ULK4: variants seen among roughly 807,000 people sequenced by gnomAD.
ULK4 encodes the protein unc-51 like kinase 4.
Under a neutral mutation model 160.6 loss-of-function variants are expected in ULK4, and 133 were observed. The ratio of observed to expected loss-of-function variants is 0.83; its 90% CI spans 0.72 to 0.96. The LOEUF (loss-of-function observed/expected upper bound fraction) is 0.96, where lower values mean the gene tolerates loss of function less well. Ranked by LOEUF, ULK4 falls within the 40% of genes least tolerant of loss-of-function variation. ULK4 has a pLI of 0.00. For missense variants in ULK4, 1,580 were observed against 1,499.5 expected (o/e 1.05, Z -0.89); for synonymous variants, 534 against 539.8 (o/e 0.99, Z 0.15).
intron 30 of ULK4, among the ~76,000 whole-genome samples, chr3:41,631,590 T>G (rs2033744144): frequency 6.6e-6 from 1 of 152,212 alleles, no homozygotes; most frequent in Non-Finnish European, 1.5e-5. Flanking sequence ...AGATTTTAAA[T>G]GTAAACAGAA....
intron 30 of ULK4, among the ~76,000 whole-genome samples, chr3:41,649,453 A>G (rs1304287521): frequency 6.6e-6 from 1 of 152,052 alleles, no homozygotes; most frequent in Admixed American, 6.5e-5. Flanking sequence ...CCAGGCCTGG[A>G]AAGCCCCTGT....
At chr3:41,909,564 A>C (rs1343181249) in intron 11 of ULK4, among the ~76,000 whole-genome samples, 1 of 151,778 alleles carries the variant, frequency 6.6e-6, no homozygotes, top group Non-Finnish European at 1.5e-5. Context: ...TACAAAAAAA[A>C]ATTAGCCAAG....
chr3:41,772,138 A>G (rs1364898792), intron 21 of ULK4, among the ~76,000 whole-genome samples: 1 of 152,124 alleles, frequency 6.6e-6, no homozygotes, highest in African/African-American at 2.4e-5. Flanking sequence ...TAAAATTGAC[A>G]CCCTATCACA....
chr3:41,794,518 G>A (rs1419089641), intron 20 of ULK4, among the ~76,000 whole-genome samples: 1 of 151,504 alleles, frequency 6.6e-6, no homozygotes, highest in Non-Finnish European at 1.5e-5. Flanking sequence ...AGAAAAATTG[G>A]CCGGGCATGG....
At chr3:41,543,952 T>C (rs1434501065) in intron 32 of ULK4, among the ~76,000 whole-genome samples, 1 of 152,198 alleles carries the variant, frequency 6.6e-6, no homozygotes, top group African/African-American at 2.4e-5. Flanking sequence ...TCTTTAGACA[T>C]GGTTTCCTGC....
intron 31 of ULK4, among the ~76,000 whole-genome samples, chr3:41,591,796 A>G (rs1008205863): frequency 6.6e-5 from 10 of 152,244 alleles, no homozygotes; most frequent in Non-Finnish European, 5.9e-5. Flanking sequence ...CTATTTAGGC[A>G]GCCCCCACGT....
At chr3:41,371,197 A>T (rs561848825) in intron 35 of ULK4, among the ~76,000 whole-genome samples, 1 of 152,290 alleles carries the variant, frequency 6.6e-6, no homozygotes, top group South Asian at 2.1e-4. Context: ...CAACTCGGGG[A>T]AGGGGCGGCT....
intron 34 of ULK4, among the ~76,000 whole-genome samples, chr3:41,403,436 G>A (rs996915495): frequency 2.0e-5 from 3 of 152,124 alleles, no homozygotes; most frequent in Non-Finnish European, 4.4e-5. Context: ...GATATACACT[G>A]ACATCTCTTG....
At chr3:41,657,818 TAAAA>T (rs60281588) in intron 30 of ULK4, among the ~76,000 whole-genome samples, 2 of 99,752 alleles carry the variant, frequency 2.0e-5, no homozygotes, top group Non-Finnish European at 3.5e-5. Flanking sequence ...TCCATCTCAT[TAAAA>T]AAAAAAAAAA....
At position 41,465,248 on chromosome 3, in the gene ULK4, A is replaced by G. The variant is rs571543878; in HGVS notation, c.3227-1995T>C. On this transcript the variant is annotated intron_variant, in intron 32 of 36. Coordinates refer to ENST00000301831, the MANE Select transcript of ULK4 (RefSeq NM_017886.4). The stretch of plus-strand genomic sequence containing the variant: ...AATATTTTATTATGAAAACAAAGTC[A>G]TGAGACAGTTCAGCAAAATGTACCT... Among the ~76,000 whole-genome samples the G allele has an allele frequency of 6.6e-5, 10 of 152,346 alleles. No individual in the cohort carries two copies. The South Asian group carries it at 1.9e-3, about 28-fold the overall frequency.
chr3:41,694,215 G>A (rs532500779), intron 27 of ULK4, among the ~76,000 whole-genome samples: 1 of 152,366 alleles, frequency 6.6e-6, no homozygotes, highest in South Asian at 2.1e-4. Context: ...TACAAAGATA[G>A]CAGTGTGAAC....
intron 31 of ULK4, among the ~76,000 whole-genome samples, chr3:41,615,464 T>C (rs2032913388): frequency 6.6e-6 from 1 of 152,214 alleles, no homozygotes; most frequent in South Asian, 2.1e-4. Context: ...AGGCAGTCAT[T>C]AGCCAGTAGC....
At chr3:41,939,835 A>G (rs554005614) in intron 2 of ULK4, among the ~76,000 whole-genome samples, 2 of 152,280 alleles carry the variant, frequency 1.3e-5, no homozygotes, top group African/African-American at 4.8e-5. Context: ...AGATTCTCAC[A>G]GAAGCACAAA....
chr3:41,456,076 GT>G (rs2125872276), intron 33 of ULK4, among the ~76,000 whole-genome samples: 1 of 152,150 alleles, frequency 6.6e-6, no homozygotes, highest in South Asian at 2.1e-4. Context: ...CACCTCGCTA[GT>G]TTTTGTATTT....
At chr3:41,465,381 T>A (rs891238734) in intron 32 of ULK4, among the ~76,000 whole-genome samples, 7 of 152,250 alleles carry the variant, frequency 4.6e-5, no homozygotes, top group Non-Finnish European at 1.0e-4. Context: ...TAAATACTTC[T>A]GTATAACAGA....
At chr3:41,644,408 G>A (rs1316092716) in intron 30 of ULK4, among the ~76,000 whole-genome samples, 1 of 152,086 alleles carries the variant, frequency 6.6e-6, no homozygotes, top group South Asian at 2.1e-4. Context: ...ATGAAGGGTT[G>A]TTGAATTTTG....
chr3:41,401,051 T>C (rs909809901), intron 34 of ULK4, among the ~76,000 whole-genome samples: 3 of 152,176 alleles, frequency 2.0e-5, no homozygotes, highest in East Asian at 1.9e-4. Flanking sequence ...CTTAGATATA[T>C]AGTTTTGCAA....
rs774152751 is a variant in ULK4 at position 41,922,085 on chromosome 3, G to A, written c.542-2267C>T. Among the ~76,000 whole-genome samples, 9 of 152,138 alleles carry A rather than the reference G, an allele frequency of 5.9e-5. 1 individual carries two copies. In the South Asian group the frequency reaches 6.2e-4, roughly 11 times the overall value. ...GGAGAATGGCATGAACCCAGGAGGC[G>A]GAGCTTGCAGTGAGCCAAGATCACA... On this transcript the variant is annotated intron_variant, in intron 5 of 36. Coordinates refer to ENST00000301831, the MANE Select transcript of ULK4 (RefSeq NM_017886.4).
At chr3:41,935,209 A>ATTTATTTATTTTTTTTTTTTTTTTTTTT (rs1559660879) in intron 4 of ULK4, among the ~76,000 whole-genome samples, 1 of 135,556 alleles carries the variant, frequency 7.4e-6, no homozygotes, top group Non-Finnish European at 1.5e-5. Context: ...TTATTTATTT[A>ATTTATTTATTTTTTTTTTTTTTTTTTTT]TTTTTTTTTT....
Sources: gnomAD v4.1 joint callset for allele counts (sites outside exome capture counted in the v4.1 genomes callset) on GRCh38, gnomAD v4.1.1 for gene constraint, MANE v1.5 for transcripts, NCBI Gene and HGNC (gene_info 2026-07-23, HGNC 2026-07-21) for gene names.